The following TNKS variants were observed in gnomAD, a reference collection of about 807,000 sequenced individuals.
TNKS encodes the protein tankyrase.
TNKS carries 72 observed loss-of-function variants against 135.8 expected under a neutral mutation model. The observed-to-expected ratio is 0.53, with a 90% confidence interval of 0.44 to 0.64. TNKS has a LOEUF of 0.64. TNKS is among the 30% of genes least tolerant of loss of function. The pLI, the probability that TNKS is intolerant of heterozygous loss-of-function variation, is 0.00. For synonymous variants in TNKS, 849 were observed against 649.3 expected (o/e 1.31, Z -4.68); for missense variants, 1,769 against 1,674.0 (o/e 1.06, Z -0.99).
intron 1 of TNKS, among the ~76,000 whole-genome samples, chr8:9,566,709 C>T (rs1455718637): frequency 1.3e-5 from 2 of 149,708 alleles, no homozygotes; most frequent in African/African-American, 2.5e-5. Flanking sequence ...CCCGGGTTCA[C>T]GCCATTCTCC....
At chr8:9,626,180 T>C (rs1325337201) in intron 3 of TNKS, among the ~76,000 whole-genome samples, 1 of 152,260 alleles carries the variant, frequency 6.6e-6, no homozygotes, top group East Asian at 1.9e-4. Flanking sequence ...TTCTTTGCTC[T>C]AAATTCCACT....
At chr8:9,603,114 G>T (rs576758828) in intron 2 of TNKS, among the ~76,000 whole-genome samples, 4 of 151,648 alleles carry the variant, frequency 2.6e-5, no homozygotes, top group Non-Finnish European at 5.9e-5. Context: ...GTACAGTGGC[G>T]CGATCTTGGC....
chr8:9,597,487 G>A (rs1271568960), intron 2 of TNKS, among the ~76,000 whole-genome samples: 1 of 152,052 alleles, frequency 6.6e-6, no homozygotes, highest in Admixed American at 6.5e-5. Flanking sequence ...GTAAACTTGA[G>A]TTGTGATTTG....
At chr8:9,767,251 C>G (rs1286710006) in intron 25 of TNKS, among the ~76,000 whole-genome samples, 1 of 152,148 alleles carries the variant, frequency 6.6e-6, no homozygotes, top group African/African-American at 2.4e-5. Flanking sequence ...TGTTAATAGA[C>G]TTTTAAAACT....
At chr8:9,566,703 G>T (rs559163210) in intron 1 of TNKS, among the ~76,000 whole-genome samples, 247 of 149,914 alleles carry the variant, frequency 1.6e-3, no homozygotes, top group African/African-American at 5.6e-3. Context: ...CCGCCTCCCG[G>T]GTTCACGCCA....
chr8:9,574,866 C>A, intron 1 of TNKS: 1 of 175,210 alleles, frequency 5.7e-6, no homozygotes, highest in Non-Finnish European at 1.1e-5. Context: ...AGAGAGAAAG[C>A]TCCCCCGCGC....
chr8:9,729,884 C>T (rs1232830235), intron 13 of TNKS, among the ~76,000 whole-genome samples: 1 of 147,696 alleles, frequency 6.8e-6, no homozygotes, highest in Non-Finnish European at 1.5e-5. Context: ...AGCAATTCTC[C>T]TGCCTCAGCC....
intron 1 of TNKS, among the ~76,000 whole-genome samples, chr8:9,574,158 A>C (rs1169594583): frequency 6.6e-6 from 1 of 152,232 alleles, no homozygotes; most frequent in Non-Finnish European, 1.5e-5. Context: ...AATTGCTTTG[A>C]ATATGTAATA....
intron 2 of TNKS, among the ~76,000 whole-genome samples, chr8:9,601,099 A>G (rs565274103): frequency 2.6e-5 from 4 of 152,220 alleles, no homozygotes; most frequent in Non-Finnish European, 4.4e-5. Context: ...TCAATATCCC[A>G]TTATAAAAAT....
At chr8:9,762,892 G>A (rs1477758151) in intron 21 of TNKS, among the ~76,000 whole-genome samples, 12 of 143,186 alleles carry the variant, frequency 8.4e-5, no homozygotes, top group Admixed American at 4.3e-4. Context: ...GCGACAGAGC[G>A]AGGCTCCGTC....
chr8:9,715,480 A>G (rs749509709), intron 11 of TNKS, among the ~76,000 whole-genome samples: 3 of 152,156 alleles, frequency 2.0e-5, no homozygotes, highest in African/African-American at 7.2e-5. Flanking sequence ...CCTTTGATCA[A>G]AGGATGTATC....
At chr8:9,776,109 A>C (rs183294753) in intron 26 of TNKS, among the ~76,000 whole-genome samples, 12 of 152,260 alleles carry the variant, frequency 7.9e-5, no homozygotes, top group Admixed American at 3.9e-4. Context: ...CGGAGCCCTT[A>C]TCTCTCCTGT....
chr8:9,679,014 C>T (rs1463650167), intron 3 of TNKS, among the ~76,000 whole-genome samples: 2 of 152,118 alleles, frequency 1.3e-5, no homozygotes, highest in Non-Finnish European at 1.5e-5. Context: ...CCTTGTCCTT[C>T]AATTGAGCTT....
At chr8:9,635,640 C>A (rs534764527) in intron 3 of TNKS, among the ~76,000 whole-genome samples, 1 of 152,160 alleles carries the variant, frequency 6.6e-6, no homozygotes, top group Non-Finnish European at 1.5e-5. Context: ...ATTAACATCA[C>A]TAATGAGAAT....
chr8:9,599,785 C>T (rs929277017), intron 2 of TNKS, among the ~76,000 whole-genome samples: 8 of 146,382 alleles, frequency 5.5e-5, no homozygotes, highest in Non-Finnish European at 1.1e-4. Flanking sequence ...ATGTGATGTG[C>T]CTTTTTAAAA....
chr8:9,597,791 A>G (rs1267011090), intron 2 of TNKS, among the ~76,000 whole-genome samples: 1 of 152,226 alleles, frequency 6.6e-6, no homozygotes, highest in East Asian at 1.9e-4. Flanking sequence ...GAGACAAGGA[A>G]AAGGACAGAT....
At chr8:9,731,076 A>G (rs770432353) in intron 14 of TNKS, 41 bp downstream of exon 14, 1 of 1,499,470 alleles carries the variant, frequency 6.7e-7, no homozygotes, top group Non-Finnish European at 8.9e-7. Context: ...CATTCTCTTC[A>G]TGCTTAAAAA....
rs184495003 is a variant in TNKS, at chr8:9,608,387, A to T, written c.899-7195A>T. On this transcript the variant is annotated intron_variant, in intron 2 of 26. Coordinates refer to ENST00000310430, the MANE Select transcript of TNKS (RefSeq NM_003747.3). ...CTGTTCTAGGTCATGCTGCTTATTC[A>T]TAACTAACGTTGATGCTAAGGTGCG... Among the ~76,000 whole-genome samples, 102 of 152,268 alleles carry T rather than the reference A, an allele frequency of 6.7e-4. 1 individual carries two copies. Among genetic ancestry groups the T allele is most frequent in the African/African-American group, 2.3e-3 (94 of 41,562 alleles).
In TNKS at chr8:9,730,030, C is replaced by T. The variant is rs183753252; in HGVS notation, c.2002-860C>T. 1.1e-3 allele frequency among the ~76,000 whole-genome samples: 170 copies of T among 152,220 alleles called. 1 individual carries two copies. Among genetic ancestry groups the T allele is most frequent in the Admixed American group, 2.3e-3 (35 of 15,290 alleles). On this transcript the variant is annotated intron_variant, in intron 13 of 26. Coordinates refer to ENST00000310430, the MANE Select transcript of TNKS (RefSeq NM_003747.3). ...GACCTCGTGATCTGCCTGCCTTGGC[C>T]TCCCAAAGTGCTGGGATTGCAGGCG...
Sources: allele counts gnomAD v4.1 joint callset (sites outside exome capture counted in the v4.1 genomes callset), GRCh38; gene constraint gnomAD v4.1.1; transcripts MANE v1.5; gene names NCBI Gene and HGNC (gene_info 2026-07-23, HGNC 2026-07-21).